The following CEP295 variants were observed in gnomAD, a reference collection of about 807,000 sequenced individuals.
CEP295 encodes the protein centrosomal protein 295.
A neutral mutation model predicts 291.6 loss-of-function variants in CEP295; 190 were observed. The observed-to-expected ratio is 0.65, with a 90% confidence interval of 0.58 to 0.73. CEP295 has a LOEUF of 0.73. CEP295 is among the 30% of genes least tolerant of loss of function. CEP295 has a pLI of 0.00. For missense variants in CEP295, 2,863 were observed against 2,949.4 expected, an observed-to-expected ratio of 0.97 and a Z score of 0.68; for synonymous variants, 993 against 1,038.8, an observed-to-expected ratio of 0.96 and a Z score of 0.85.
In CEP295 at chr11:93,691,794, T is replaced by A; in HGVS notation, c.1429+19T>A. The A allele has an allele frequency of 4.8e-6, 7 of 1,462,014 alleles. No individual in the cohort carries two copies. The highest frequency in any genetic ancestry group is 6.5e-6 in the Non-Finnish European group (7 of 1,074,984). 90.6% of individuals were successfully genotyped at this position (1,462,014 alleles called of 1,614,324 possible). On this transcript the variant is annotated intron_variant, in intron 11 of 29. Coordinates refer to ENST00000325212, the MANE Select transcript of CEP295 (RefSeq NM_033395.2). ...GAACAAGGTATTTCTTTTTATCACA[T>A]CCTCAAATTAAATTTGACTCCTTGC...
chr11:93,662,438 C>T (rs1034031441), intron 1 of CEP295, among the ~76,000 whole-genome samples: 3 of 152,120 alleles, frequency 2.0e-5, no homozygotes, highest in African/African-American at 7.2e-5. Flanking sequence ...GGTCTTGAAC[C>T]CAGATCTTCC....
intron 5 of CEP295, among the ~76,000 whole-genome samples, chr11:93,670,169 A>T (rs1022270691): frequency 6.6e-5 from 10 of 152,198 alleles, no homozygotes; most frequent in Non-Finnish European, 1.3e-4. Context: ...GGGGGAAAAA[A>T]CTAAACTATT....
rs199735397 is a variant in CEP295, at chr11:93,667,786, A to T, written c.288A>T (p.Gly96=). The part of the protein sequence containing the change: ...YLASLRSMGE[G]HRQAKENEPD... The stretch of plus-strand genomic sequence containing the variant: ...CAAGTTTAAGAAGTATGGGAGAGGG[A>T]CATCGACAGGCCAAAGAAAATGTGA... The change falls in exon 3 of 30, where the codon GGA becomes GGT. Residue 96 remains glycine (G), a synonymous_variant. Transcript: ENST00000325212. 46 of 1,550,334 alleles carry T rather than the reference A, an allele frequency of 3.0e-5. No homozygotes were observed. The highest frequency in any genetic ancestry group is 4.0e-5 in the Non-Finnish European group (46 of 1,146,432).
chr11:93,707,756 GA>G (rs541745975), intron 18 of CEP295, among the ~76,000 whole-genome samples: 20 of 142,034 alleles, frequency 1.4e-4, no homozygotes, highest in South Asian at 6.7e-4. Flanking sequence ...GACTCCATCT[GA>G]AAAAAAAAAA....
intron 21 of CEP295, 128 bp downstream of exon 21, chr11:93,723,417 C>G: frequency 1.4e-6 from 1 of 692,586 alleles, no homozygotes. Context: ...CACCGTTTTA[C>G]CACAGAATAT....
intron 5 of CEP295, among the ~76,000 whole-genome samples, chr11:93,673,299 T>C (rs1027624054): frequency 6.6e-6 from 1 of 152,118 alleles, no homozygotes; most frequent in Non-Finnish European, 1.5e-5. Flanking sequence ...TATATATGTA[T>C]ATGTGTATAT....
chr11:93,717,181 A>G (rs991744666), intron 18 of CEP295, among the ~76,000 whole-genome samples: 2 of 152,120 alleles, frequency 1.3e-5, no homozygotes, highest in African/African-American at 4.8e-5. Context: ...CTCAGTTGCC[A>G]ACTTTGAAGT....
In CEP295 at chr11:93,684,624, G is replaced by A. The variant is rs148118801; in HGVS notation, c.1114+496G>A. Among the ~76,000 whole-genome samples, 539 of 152,334 alleles carry A rather than the reference G, an allele frequency of 3.5e-3. 3 individuals carry two copies. The highest frequency in any genetic ancestry group is 6.5e-3 in the Admixed American group (99 of 15,306). ...TCAAGTTTTGGGTTGAATGAAAGTT[G>A]TCAGGTGGAGATCGTTAGGAAAAGG... On this transcript the variant is annotated intron_variant, in intron 9 of 29. Coordinates refer to ENST00000325212, the MANE Select transcript of CEP295 (RefSeq NM_033395.2).
chr11:93,700,512 A>G (rs573437933), intron 15 of CEP295, among the ~76,000 whole-genome samples: 4 of 140,930 alleles, frequency 2.8e-5, no homozygotes, highest in African/African-American at 8.1e-5. Context: ...TGCAACCCCT[A>G]CCTCCTGGGT....
rs1950860508 is a variant in CEP295, at chr11:93,679,543, T to C, written c.756T>C (p.His252=). The C allele has an allele frequency of 1.3e-6, 2 of 1,551,158 alleles. No homozygotes were observed. Among genetic ancestry groups the C allele is most frequent in the African/African-American group, 2.7e-5 (2 of 73,002 alleles). ...GATTCCAAGCAATGAAGAAGATCCA[T>C]TTGGCTCAAGTAAGACTTATATTCT... ...VRGFQAMKKI[H]LAQNQEKLMK... The change falls in exon 7 of 30, where the codon CAT becomes CAC. Residue 252 remains histidine, a synonymous_variant. Coordinates refer to ENST00000325212, the MANE Select transcript of CEP295 (RefSeq NM_033395.2).
chr11:93,708,300 C>T (rs1269083674), intron 18 of CEP295, among the ~76,000 whole-genome samples: 1 of 152,166 alleles, frequency 6.6e-6, no homozygotes, highest in Non-Finnish European at 1.5e-5. Flanking sequence ...CCAACGACCC[C>T]CAACTACGCT....
At chr11:93,688,239 A>G (rs1483425493) in intron 10 of CEP295, among the ~76,000 whole-genome samples, 1 of 152,214 alleles carries the variant, frequency 6.6e-6, no homozygotes, top group Non-Finnish European at 1.5e-5. Flanking sequence ...CTCCTGATCA[A>G]AGGATATATG....
At chr11:93,722,318 C>T (rs1468628715) in intron 20 of CEP295, among the ~76,000 whole-genome samples, 1 of 151,960 alleles carries the variant, frequency 6.6e-6, no homozygotes, top group Non-Finnish European at 1.5e-5. Context: ...AAAAGTTAGC[C>T]AGGTGTGGTG....
chr11:93,709,504 G>A (rs758641748), intron 18 of CEP295, among the ~76,000 whole-genome samples: 4 of 152,084 alleles, frequency 2.6e-5, no homozygotes, highest in Admixed American at 6.6e-5. Flanking sequence ...ATTGATCTGT[G>A]TGTGTCTCTT....
chr11:93,695,538 A>G lies in CEP295; in HGVS notation c.1575A>G (p.Leu525=). 6.8e-7 allele frequency: 1 copy of G among 1,475,922 alleles called. No individual in the cohort carries two copies. The highest frequency in any genetic ancestry group is 8.9e-7 in the Non-Finnish European group (1 of 1,122,300). 91.4% of individuals were successfully genotyped at this position (1,475,922 alleles called of 1,614,324 possible). Residue 525 remains leucine, a synonymous_variant, in exon 13 of 30, where the codon TTA becomes TTG. Coordinates refer to ENST00000325212, the MANE Select transcript of CEP295 (RefSeq NM_033395.2). ...IEEQKQKQLE[L]LEQIEQQKLR... is the part of the protein sequence containing the mutation. ...AGCAGAAGCAAAAGCAATTGGAATT[A>G]CTTGAACAAATTGAACAGCAGAAAT...
At chr11:93,721,501 A>G (rs762347228) in intron 19 of CEP295, 89 bp downstream of exon 19, 18 of 888,612 alleles carry the variant, frequency 2.0e-5, no homozygotes, top group Admixed American at 1.5e-4. Flanking sequence ...ATGTTATAAC[A>G]TTAAAGTCAG....
chr11:93,672,370 T>C (rs1464985697), intron 5 of CEP295, among the ~76,000 whole-genome samples: 3 of 152,106 alleles, frequency 2.0e-5, no homozygotes, highest in African/African-American at 7.2e-5. Flanking sequence ...CTATACCAGA[T>C]GCAAGAGAAA....
intron 12 of CEP295, among the ~76,000 whole-genome samples, chr11:93,695,189 A>T (rs1488092342): frequency 6.6e-6 from 1 of 152,232 alleles, no homozygotes; most frequent in East Asian, 1.9e-4. Context: ...TGCTACTTCA[A>T]GGTAGTTCTT....
chr11:93,711,754 G>A (rs1485342803), intron 18 of CEP295, among the ~76,000 whole-genome samples: 2 of 151,566 alleles, frequency 1.3e-5, no homozygotes, highest in East Asian at 1.9e-4. Context: ...CAAGTGATCC[G>A]CCCACCTCAG....
Sources: allele counts gnomAD v4.1 joint callset (sites outside exome capture counted in the v4.1 genomes callset), GRCh38; gene constraint gnomAD v4.1.1; transcripts MANE v1.5; gene names NCBI Gene and HGNC (gene_info 2026-07-23, HGNC 2026-07-21).